Variants in GYPB observed in about 807,000 individuals in gnomAD.
GYPB encodes the protein glycophorin-B.
A neutral mutation model predicts 15.3 loss-of-function variants in GYPB; 13 were observed. That is an observed-to-expected ratio of 0.85 (90% CI 0.55 to 1.35). The LOEUF (loss-of-function observed/expected upper bound fraction) is 1.35, where lower values mean the gene tolerates loss of function less well. GYPB is among the 40% of genes most tolerant of loss of function. The pLI is 0.00. For missense variants in GYPB, 131 were observed against 108.3 expected, an observed-to-expected ratio of 1.21 and a Z score of -0.93; for synonymous variants, 38 against 36.9, an observed-to-expected ratio of 1.03 and a Z score of -0.11.
chr4:143,996,261 G>T lies in GYPB; in HGVS notation c.*38C>A, dbSNP rs748717218. On this transcript the variant is annotated 3_prime_UTR_variant, in exon 5 of 5. Transcript: ENST00000502664. ...AAACAAGAGAACAGCAGGTGCAGCC[G>T]GTTCTAGGCAAGATCAGGCAGCATG... is the stretch of plus-strand genomic sequence containing the variant. 1.3e-6 allele frequency: 2 copies of T among 1,550,592 alleles called. No individual in the cohort carries two copies. The highest frequency in any genetic ancestry group is 1.7e-6 in the Non-Finnish European group (2 of 1,146,972).
At chr4:144,014,171 C>T (rs944558389) in intron 1 of GYPB, among the ~76,000 whole-genome samples, 2 of 151,822 alleles carry the variant, frequency 1.3e-5, no homozygotes, top group African/African-American at 4.9e-5. Context: ...AGGTGCAGCT[C>T]CTGTGGAAAA....
At chr4:144,010,544 T>C (rs1728161779) in intron 1 of GYPB, among the ~76,000 whole-genome samples, 1 of 151,458 alleles carries the variant, frequency 6.6e-6, no homozygotes, top group East Asian at 1.9e-4. Flanking sequence ...GGTATTATTT[T>C]GTGGAATTTT....
At chr4:144,003,462 AG>A (rs1267059391) in intron 1 of GYPB, among the ~76,000 whole-genome samples, 1 of 151,336 alleles carries the variant, frequency 6.6e-6, no homozygotes, top group Non-Finnish European at 1.5e-5. Flanking sequence ...GAGGCTTTAA[AG>A]GGGGCAGAAA....
rs371372889 is a variant in GYPB, at chr4:143,998,964, C to G, written c.175+447G>C. On this transcript the variant is annotated intron_variant, in intron 3 of 4. Coordinates refer to ENST00000502664, the MANE Select transcript of GYPB (RefSeq NM_002100.6). ...CAAGGCTAGAGTACAGTGGCACAGT[C>G]ATAGCTCACTGCAGCCTCAAACTCC... Among the ~76,000 whole-genome samples, 14 of 151,064 alleles carry G rather than the reference C, an allele frequency of 9.3e-5. No individual in the cohort carries two copies. In the East Asian group the frequency reaches 2.7e-3, roughly 29 times the overall value.
At chr4:144,013,749 T>C (rs1728341084) in intron 1 of GYPB, among the ~76,000 whole-genome samples, 1 of 145,164 alleles carries the variant, frequency 6.9e-6, no homozygotes. Context: ...AAGGGGAATA[T>C]TACACTCTGG....
rs918423606 is a variant in GYPB at position 143,997,894 on chromosome 4, T to C, written c.176-260A>G. On this transcript the variant is annotated intron_variant, in intron 3 of 4. Transcript: ENST00000502664. ...AGAACTAAGACCTGAGGCTTCTGAT[T>C]CCAGACCCAGCGTTCTTCACTAGTG... Among the ~76,000 whole-genome samples, 8 of 151,310 alleles carry C rather than the reference T, an allele frequency of 5.3e-5. 1 individual carries two copies. The highest frequency in any genetic ancestry group is 2.0e-4 in the African/African-American group (8 of 40,640).
rs529968888 is a variant in GYPB, at chr4:143,996,128, T to A, written c.*171A>T. 3,697 of 1,434,790 alleles carry A rather than the reference T, an allele frequency of 2.6e-3. 11 individuals are homozygous for A. The highest frequency in any genetic ancestry group is 3.2e-3 in the Non-Finnish European group (3,506 of 1,084,410). 88.9% of individuals were successfully genotyped at this position (1,434,790 alleles called of 1,614,324 possible). A position where few individuals can be genotyped will look rare whatever the true frequency, so the allele number is the denominator to read the frequency against. ...AAACGGTTTGTATTTTGTTTTATTT[T>A]TATTTAGAAGTAGAGAATACAGTAA... On this transcript the variant is annotated 3_prime_UTR_variant, in exon 5 of 5. Coordinates refer to ENST00000502664, the MANE Select transcript of GYPB (RefSeq NM_002100.6).
intron 1 of GYPB, chr4:144,012,881 A>G (rs1728287939): frequency 1.3e-5 from 2 of 151,716 alleles, no homozygotes; most frequent in Non-Finnish European, 2.9e-5. Flanking sequence ...AGAAATTTTT[A>G]TGACTTTAAA....
At chr4:144,012,597 T>C (rs1008464793) in intron 1 of GYPB, 1 of 151,452 alleles carries the variant, frequency 6.6e-6, no homozygotes, top group East Asian at 1.9e-4. Context: ...AGCAATAAAA[T>C]CTGTGTGATT....
At chr4:144,010,533 A>G (rs1031472997) in intron 1 of GYPB, among the ~76,000 whole-genome samples, 10 of 151,410 alleles carry the variant, frequency 6.6e-5, no homozygotes, top group African/African-American at 2.2e-4. Flanking sequence ...GAATTAGGGA[A>G]GGTATTATTT....
At chr4:144,019,015 T>A (rs1728648811) in intron 1 of GYPB, among the ~76,000 whole-genome samples, 1 of 151,382 alleles carries the variant, frequency 6.6e-6, no homozygotes, top group Admixed American at 6.6e-5. Context: ...AGACTTAGAA[T>A]TGAAGTAAGC....
chr4:144,011,450 A>C (rs957627031), intron 1 of GYPB, among the ~76,000 whole-genome samples: 3 of 151,386 alleles, frequency 2.0e-5, no homozygotes, highest in African/African-American at 7.4e-5. Flanking sequence ...AAGTAGAATT[A>C]AGAGAAAAGA....
chr4:144,015,888 C>T (rs763498107), intron 1 of GYPB, among the ~76,000 whole-genome samples: 2 of 150,882 alleles, frequency 1.3e-5, no homozygotes, highest in Non-Finnish European at 2.9e-5. Context: ...AAAACTGAGG[C>T]CCACAGGTGT....
chr4:144,000,919 G>A lies in GYPB; in HGVS notation c.136+266C>T, dbSNP rs569958585. 1.1e-3 allele frequency among the ~76,000 whole-genome samples: 164 copies of A among 151,178 alleles called. 2 individuals are homozygous for A. In the Middle Eastern group the frequency reaches 0.014, roughly 13 times the overall value. On this transcript the variant is annotated intron_variant, in intron 2 of 4. Coordinates refer to ENST00000502664, the MANE Select transcript of GYPB (RefSeq NM_002100.6). ...CGCACTATTAGGTCCCCTTTATCTG[G>A]CCCACTATTTCATGGTCACATGTAT...
chr4:144,010,406 C>T (rs1231246625), intron 1 of GYPB, among the ~76,000 whole-genome samples: 5 of 151,484 alleles, frequency 3.3e-5, no homozygotes, highest in Non-Finnish European at 7.3e-5. Context: ...CAGTTCAAGA[C>T]TGAAGTAAGC....
chr4:143,999,418 A>T lies in GYPB; in HGVS notation c.168T>A (p.Thr56=), dbSNP rs1396261517. 6.5e-7 allele frequency: 1 copy of T among 1,531,766 alleles called. No homozygotes were observed. Among genetic ancestry groups the T allele is most frequent in the East Asian group, 2.3e-5 (1 of 44,398 alleles). The allele number at this position is 1,531,766 out of a possible 1,614,324, so 94.9% of individuals were successfully genotyped here. A position where few individuals can be genotyped will look rare whatever the true frequency, so the allele number is the denominator to read the frequency against. ...TGTCAAATATTAACATACCTGGTAC[A>T]GTGAAACGATGGACAAGTTGTCCCG... The part of the protein sequence containing the change: ...GETGQLVHRF[T]VPAPVVIILI... The change falls in exon 3 of 5, where the codon ACT becomes ACA. Residue 56 remains threonine, a synonymous_variant. Transcript: ENST00000502664.
intron 1 of GYPB, among the ~76,000 whole-genome samples, chr4:144,017,137 C>T (rs1335181502): frequency 2.7e-5 from 4 of 150,780 alleles, no homozygotes; most frequent in Admixed American, 6.6e-5. Flanking sequence ...CTGCCCTGGG[C>T]TCAGTGTCTG....
intron 1 of GYPB, chr4:144,012,806 T>G (rs554940619): frequency 6.6e-6 from 1 of 151,518 alleles, no homozygotes; most frequent in South Asian, 2.1e-4. Flanking sequence ...AAAAATTAAC[T>G]GATAATAAAC....
intron 1 of GYPB, among the ~76,000 whole-genome samples, chr4:144,011,410 A>C (rs1432669576): frequency 6.6e-6 from 1 of 151,260 alleles, no homozygotes; most frequent in Non-Finnish European, 1.5e-5. Context: ...ATATAAAACC[A>C]AACAGGAATA....
Sources: gnomAD v4.1 joint callset for allele counts (sites outside exome capture counted in the v4.1 genomes callset) on GRCh38, gnomAD v4.1.1 for gene constraint, MANE v1.5 for transcripts, NCBI Gene and HGNC (gene_info 2026-07-23, HGNC 2026-07-21) for gene names.